GRK5: variants seen among roughly 807,000 people sequenced by gnomAD.
GRK5 encodes the protein g protein-coupled receptor kinase GRK5.
A neutral mutation model predicts 78.4 loss-of-function variants in GRK5; 40 were observed. That is an observed-to-expected ratio of 0.51 (90% CI 0.40 to 0.66). GRK5 has a LOEUF of 0.66. Ranked by LOEUF, GRK5 falls within the 30% of genes least tolerant of loss-of-function variation. The pLI, the probability that GRK5 is intolerant of heterozygous loss-of-function variation, is 0.00. For missense variants in GRK5, 598 were observed against 759.9 expected (o/e 0.79, Z 2.50); for synonymous variants, 289 against 296.8 (o/e 0.97, Z 0.27).
At chr10:119,417,934 T>C (rs1245416668) in intron 4 of GRK5, among the ~76,000 whole-genome samples, 1 of 152,216 alleles carries the variant, frequency 6.6e-6, no homozygotes, top group East Asian at 1.9e-4. Context: ...AAGAGGTACA[T>C]TCTGGTCATC....
intron 1 of GRK5, among the ~76,000 whole-genome samples, chr10:119,226,637 T>G (rs537372618): frequency 3.3e-5 from 5 of 151,146 alleles, no homozygotes; most frequent in African/African-American, 1.2e-4. Flanking sequence ...CTCTGCCTCC[T>G]GGGTTCAAGA....
intron 1 of GRK5, among the ~76,000 whole-genome samples, chr10:119,300,752 A>G (rs1012160320): frequency 1.3e-5 from 2 of 152,186 alleles, no homozygotes; most frequent in Non-Finnish European, 2.9e-5. Flanking sequence ...AAGGACTTCC[A>G]GACCATGGGG....
At chr10:119,261,655 G>C (rs950814869) in intron 1 of GRK5, among the ~76,000 whole-genome samples, 9 of 152,364 alleles carry the variant, frequency 5.9e-5, no homozygotes, top group Admixed American at 2.0e-4. Flanking sequence ...CCGGCACCTC[G>C]GGAGGCCGAG....
In GRK5 at chr10:119,382,415, CT is replaced by C. The variant is rs540618913; in HGVS notation, c.261+1493del. 2.0e-4 allele frequency among the ~76,000 whole-genome samples: 31 copies of C among 152,268 alleles called. No homozygotes were observed. The South Asian group carries it at 6.2e-3, about 31-fold the overall frequency. On this transcript the variant is annotated intron_variant, in intron 3 of 15. Coordinates refer to ENST00000392870, the MANE Select transcript of GRK5 (RefSeq NM_005308.3). Reference sequence around the variant, plus strand: ...GAGGTGGGGCCTAGTATTTTAATAACTTTTTATTATGGAAAATTTCAAGCTA... The same window carrying C: ...GAGGTGGGGCCTAGTATTTTAATAACTTTTATTATGGAAAATTTCAAGCTA...
At chr10:119,340,785 G>T (rs1443196587) in intron 2 of GRK5, among the ~76,000 whole-genome samples, 1 of 152,220 alleles carries the variant, frequency 6.6e-6, no homozygotes, top group African/African-American at 2.4e-5. Flanking sequence ...TTAAAATGGG[G>T]ACTCAGTATT....
chr10:119,305,596 G>C (rs1326348919), intron 1 of GRK5, among the ~76,000 whole-genome samples: 1 of 152,170 alleles, frequency 6.6e-6, no homozygotes, highest in Non-Finnish European at 1.5e-5. Context: ...TTGATTGATT[G>C]GGGATGATCA....
At chr10:119,261,258 C>T (rs1158246788) in intron 1 of GRK5, among the ~76,000 whole-genome samples, 5 of 150,556 alleles carry the variant, frequency 3.3e-5, no homozygotes, top group East Asian at 2.0e-4. Context: ...ACCTCCCAGA[C>T]GGGGTGGCGG....
At chr10:119,256,360 C>T (rs1849285639) in intron 1 of GRK5, among the ~76,000 whole-genome samples, 1 of 152,156 alleles carries the variant, frequency 6.6e-6, no homozygotes, top group African/African-American at 2.4e-5. Context: ...AGTCCTGGCT[C>T]CGGTAGTCGC....
chr10:119,428,170 C>A (rs568821118), intron 6 of GRK5, among the ~76,000 whole-genome samples: 1 of 152,380 alleles, frequency 6.6e-6, no homozygotes, highest in Non-Finnish European at 1.5e-5. Context: ...TCTGTGTCCA[C>A]CTTCCCAGAG....
chr10:119,240,104 A>G (rs1242126544), intron 1 of GRK5, among the ~76,000 whole-genome samples: 10 of 151,788 alleles, frequency 6.6e-5, no homozygotes, highest in African/African-American at 2.2e-4. Flanking sequence ...ATTGTCTTCC[A>G]CAATGGTAGA....
At chr10:119,429,393 C>T (rs1024447075) in intron 6 of GRK5, among the ~76,000 whole-genome samples, 3 of 151,590 alleles carry the variant, frequency 2.0e-5, no homozygotes, top group African/African-American at 4.9e-5. Context: ...CTGCCCTGGT[C>T]GGGACTTTTG....
rs59740732 is a variant in GRK5 at position 119,304,284 on chromosome 10, CTTTTTTTTTT to C, written c.53-22216_53-22207del. Among the ~76,000 whole-genome samples the C allele has an allele frequency of 1.1e-4, 8 of 75,050 alleles. No homozygotes were observed. In the South Asian group the frequency reaches 2.1e-3, roughly 20 times the overall value. The allele number at this position is 75,050 out of a possible 152,430, so 49.2% of individuals were successfully genotyped here. A position where few individuals can be genotyped will look rare whatever the true frequency, so the allele number is the denominator to read the frequency against. On this transcript the variant is annotated intron_variant, in intron 1 of 15. Coordinates refer to ENST00000392870, the MANE Select transcript of GRK5 (RefSeq NM_005308.3). ...AGCAGTATGCTAACTGTGTGAGCTG[CTTTTTTTTTT>C]TTTTTTTTTTTTTTTGACAGGGTCT...
At chr10:119,448,643 C>T (rs780812020) in intron 13 of GRK5, among the ~76,000 whole-genome samples, 3 of 152,168 alleles carry the variant, frequency 2.0e-5, no homozygotes, top group African/African-American at 4.8e-5. Context: ...AGAGCATTGA[C>T]GGCCACTACA....
chr10:119,207,683 G>A lies in GRK5; in HGVS notation c.-235G>A, dbSNP rs1293068876. 4 of 424,012 alleles carry A rather than the reference G, an allele frequency of 9.4e-6. No homozygotes were observed. Among genetic ancestry groups the A allele is most frequent in the African/African-American group, 6.6e-5 (2 of 30,334 alleles). The allele number at this position is 424,012 out of a possible 1,614,324, so 26.3% of individuals were successfully genotyped here. A position where few individuals can be genotyped will look rare whatever the true frequency, so the allele number is the denominator to read the frequency against. ...GGGAGCGTGTTGAGGGAGGGGGGAG[G>A]GGGGACACAGAGGGAGGAAGAAGCG... On this transcript the variant is annotated 5_prime_UTR_variant, in exon 1 of 16. Coordinates refer to ENST00000392870, the MANE Select transcript of GRK5 (RefSeq NM_005308.3).
At chr10:119,331,421 A>T (rs553929064) in intron 2 of GRK5, among the ~76,000 whole-genome samples, 3 of 152,362 alleles carry the variant, frequency 2.0e-5, no homozygotes, top group African/African-American at 7.2e-5. Context: ...GTGTTTGCCC[A>T]GTCTCTGCTG....
chr10:119,408,416 A>T (rs574849749), intron 4 of GRK5, among the ~76,000 whole-genome samples: 13 of 151,986 alleles, frequency 8.6e-5, no homozygotes, highest in African/African-American at 3.1e-4. Context: ...TTATAGCAGC[A>T]TTATCACAAT....
At chr10:119,368,665 G>C (rs1851492889) in intron 2 of GRK5, among the ~76,000 whole-genome samples, 1 of 152,250 alleles carries the variant, frequency 6.6e-6, no homozygotes, top group African/African-American at 2.4e-5. Context: ...CCTAGCCCCA[G>C]TCCCATGCAC....
rs79459631 is a variant in GRK5 at position 119,327,903 on chromosome 10, G to A, written c.148+1292G>A. Among the ~76,000 whole-genome samples the A allele has an allele frequency of 3.1e-3, 477 of 152,348 alleles. 1 individual carries two copies. Among genetic ancestry groups the A allele is most frequent in the Non-Finnish European group, 5.3e-3 (362 of 68,030 alleles). ...AGAATCCCCATGGTGTTCTCGGGCCGAGAATGCTGCTGGCCTGAGGGATTG... is the reference window on the plus strand; with the variant it reads ...AGAATCCCCATGGTGTTCTCGGGCCAAGAATGCTGCTGGCCTGAGGGATTG... On this transcript the variant is annotated intron_variant, in intron 2 of 15. Transcript: ENST00000392870.
chr10:119,254,774 G>T (rs2168220), intron 1 of GRK5, among the ~76,000 whole-genome samples: 3,211 of 152,216 alleles, frequency 0.021, 57 homozygotes, highest in Admixed American at 0.054. Flanking sequence ...GGAAAAACAG[G>T]CCGGGCACGG....
Sources: allele counts gnomAD v4.1 joint callset (sites outside exome capture counted in the v4.1 genomes callset), GRCh38; gene constraint gnomAD v4.1.1; transcripts MANE v1.5; gene names NCBI Gene and HGNC (gene_info 2026-07-23, HGNC 2026-07-21).